ZC3H12A: variants seen among roughly 807,000 people sequenced by gnomAD.
ZC3H12A encodes the protein zinc finger CCCH-type containing 12A.
ZC3H12A carries 9 observed loss-of-function variants against 29.9 expected under a neutral mutation model. That is an observed-to-expected ratio of 0.30 (90% CI 0.18 to 0.53). The LOEUF is 0.53. ZC3H12A is among the 20% of genes least tolerant of loss of function. The probability of loss-of-function intolerance (pLI) is 0.96; values close to 1 mark genes in which losing one functional copy is unlikely to be tolerated. For missense variants in ZC3H12A, 617 were observed against 799.0 expected, an observed-to-expected ratio of 0.77 and a Z score of 2.75; for synonymous variants, 323 against 338.1, an observed-to-expected ratio of 0.96 and a Z score of 0.49.
rs747380200 is a variant in ZC3H12A, at chr1:37,482,520, G to C, written c.905G>C (p.Arg302Thr). Reference protein sequence around the residue: ...LRKKPLTLEHRKQPCPYGRKC... With the variant: ...LRKKPLTLEHTKQPCPYGRKC... ...AAGAAGCCACTCACTTTGGAGCACAGGAAGCAGCCGTGTCCCTATGGTATG... is the reference window on the plus strand; with the variant it reads ...AAGAAGCCACTCACTTTGGAGCACACGAAGCAGCCGTGTCCCTATGGTATG... The change falls in exon 5 of 6, where the codon AGG (arginine) becomes ACG (threonine). Residue 302 changes from arginine to threonine, a missense_variant. Physicochemically the swap from Arg to Thr is moderately conservative, Grantham distance 71. Around this residue, in one of 5 missense-constraint regions of ZC3H12A, gnomAD observed 255 missense variants for 402.5 expected, o/e 0.63. Transcript: ENST00000373087. The C allele has an allele frequency of 4.3e-6, 7 of 1,613,986 alleles. No homozygotes were observed. Among genetic ancestry groups the C allele is most frequent in the Non-Finnish European group, 5.9e-6 (7 of 1,180,014 alleles).
intron 3 of ZC3H12A, among the ~76,000 whole-genome samples, chr1:37,480,911 G>C (rs1237261942): frequency 6.6e-6 from 1 of 152,236 alleles, no homozygotes; most frequent in African/African-American, 2.4e-5. Context: ...TTAACACACG[G>C]TAAGTGCTGA....
intron 3 of ZC3H12A, among the ~76,000 whole-genome samples, chr1:37,480,920 G>A (rs1259790967): frequency 1.3e-5 from 2 of 152,232 alleles, no homozygotes; most frequent in African/African-American, 4.8e-5. Context: ...GGTAAGTGCT[G>A]AGAAGAGTAC....
Position 37,479,242 on chromosome 1 carries a change from C to A in ZC3H12A, c.444-1048C>A. On this transcript the variant is annotated intron_variant, in intron 2 of 5. Transcript: ENST00000373087. The surrounding 1 kb of genome is among the most constrained non-coding windows in gnomAD (Gnocchi z 4.5). ...TACCTGGGAGCCCCAAGCCCCAGTC[C>A]CCCATCCCTCAGGAAATCCAGTTGG... The A allele has an allele frequency of 2.0e-6, 2 of 985,422 alleles. No individual in the cohort carries two copies. Among genetic ancestry groups the A allele is most frequent in the Middle Eastern group, 5.2e-4 (1 of 1,914 alleles). 61.0% of individuals were successfully genotyped at this position (985,422 alleles called of 1,614,324 possible).
intron 3 of ZC3H12A, 32 bp downstream of exon 3, chr1:37,480,461 T>C: frequency 6.3e-7 from 1 of 1,598,836 alleles, no homozygotes; most frequent in Non-Finnish European, 8.5e-7. Flanking sequence ...GGGATGGTCT[T>C]ACTGCCCCAG....
chr1:37,475,593 A>T lies in ZC3H12A; in HGVS notation c.97A>T (p.Arg33Trp). 6.2e-7 allele frequency: 1 copy of T among 1,614,042 alleles called. No individual in the cohort carries two copies. The highest frequency in any genetic ancestry group is 8.5e-7 in the Non-Finnish European group (1 of 1,180,040). Reference protein sequence around the residue: ...EDSHSRQGTPRPGQELAAEEA... With the variant: ...EDSHSRQGTPWPGQELAAEEA... ...CAGCCACAGCCGTCAGGGCACCCCA[A>T]GGCCGGGTCAAGAGCTGGCCGCTGA... The change falls in exon 2 of 6, where the codon AGG becomes TGG. Residue 33 changes from arginine to tryptophan, a missense_variant. Around this residue, in one of 5 missense-constraint regions of ZC3H12A, gnomAD observed 67 missense variants for 56.2 expected, o/e 1.19. Coordinates refer to ENST00000373087, the MANE Select transcript of ZC3H12A (RefSeq NM_025079.3). This position sits in a 1 kb window ranked among gnomAD's most constrained non-coding sequence, Gnocchi z 5.2.
rs1331883815 is a variant in ZC3H12A, at chr1:37,479,111, A to T, written c.444-1179A>T. On this transcript the variant is annotated intron_variant, in intron 2 of 5. Coordinates refer to ENST00000373087, the MANE Select transcript of ZC3H12A (RefSeq NM_025079.3). The surrounding 1 kb of genome is among the most constrained non-coding windows in gnomAD (Gnocchi z 4.5). ...CCTGGACTTGCCTCTTTTGCGTAAC[A>T]TTTATTCTGTTTTATTTGCCAAATA... 4.1e-6 allele frequency: 4 copies of T among 985,002 alleles called. No homozygotes were observed. Among genetic ancestry groups the T allele is most frequent in the Non-Finnish European group, 4.8e-6 (4 of 829,894 alleles). 61.0% of individuals were successfully genotyped at this position (985,002 alleles called of 1,614,324 possible).
chr1:37,482,587 T>G, intron 5 of ZC3H12A, 47 bp downstream of exon 5: 1 of 1,609,892 alleles, frequency 6.2e-7, no homozygotes, highest in Non-Finnish European at 8.5e-7. Context: ...CTCCTGCCCT[T>G]CCTCTCACCT....
chr1:37,477,879 C>T (rs1331783573), intron 2 of ZC3H12A, among the ~76,000 whole-genome samples: 1 of 152,156 alleles, frequency 6.6e-6, no homozygotes, highest in Non-Finnish European at 1.5e-5. Flanking sequence ...TGATAGCGCC[C>T]ACTGATCAGT....
At chr1:37,481,555 C>G (rs1017024410) in intron 3 of ZC3H12A, 46 bp from the exon 4 acceptor site, 2 of 1,598,516 alleles carry the variant, frequency 1.3e-6, no homozygotes, top group African/African-American at 1.3e-5. Flanking sequence ...AGGCCTGGCT[C>G]TAGGTCCCGC....
chr1:37,481,787 A>C lies in ZC3H12A; in HGVS notation c.770A>C (p.Lys257Thr). 6.2e-7 allele frequency: 1 copy of C among 1,614,198 alleles called. No individual in the cohort carries two copies. The highest frequency in any genetic ancestry group is 8.5e-7 in the Non-Finnish European group (1 of 1,180,026). ...RDLQGERQEW[K>T]RFIEERLLMY... is the part of the protein sequence containing the mutation. ...CTCCAAGGCGAGCGGCAGGAGTGGA[A>C]GCGCTTCATCGAGGAGCGGCTGCTC... Residue 257 changes from lysine (K) to threonine (T), a missense_variant, in exon 4 of 6, where the codon AAG becomes ACG. By Grantham distance (78) the Lys-to-Thr change is moderately conservative. Coordinates refer to ENST00000373087, the MANE Select transcript of ZC3H12A (RefSeq NM_025079.3).
chr1:37,483,205 G>C lies in ZC3H12A; in HGVS notation c.1394G>C (p.Arg465Pro), dbSNP rs754171051. The C allele has an allele frequency of 5.6e-6, 9 of 1,613,414 alleles. No homozygotes were observed. The highest frequency in any genetic ancestry group is 7.6e-6 in the Non-Finnish European group (9 of 1,179,904). Residue 465 changes from arginine to proline, a missense_variant, in exon 6 of 6, where the codon CGA becomes CCA. By Grantham distance (103) the Arg-to-Pro change is moderately radical. Around this residue, in one of 5 missense-constraint regions of ZC3H12A, gnomAD observed 172 missense variants for 203.1 expected, o/e 0.85. Coordinates refer to ENST00000373087, the MANE Select transcript of ZC3H12A (RefSeq NM_025079.3). ...GGGPGEPGPPRAPYTGYSPYG... is the reference protein window; with the variant it reads ...GGGPGEPGPPPAPYTGYSPYG... Reference sequence around the variant, plus strand: ...GGCCCTGGTGAGCCGGGCCCACCCCGAGCCCCTTACACGGGCTACAGTCCC... The same window carrying C: ...GGCCCTGGTGAGCCGGGCCCACCCCCAGCCCCTTACACGGGCTACAGTCCC...
Position 37,479,879 on chromosome 1 carries a change from G to C in ZC3H12A, c.444-411G>C, listed in dbSNP as rs1196014659. The C allele has an allele frequency of 8.1e-5, 81 of 1,005,746 alleles. No homozygotes were observed. Among genetic ancestry groups the C allele is most frequent in the Non-Finnish European group, 9.4e-5 (79 of 841,876 alleles). The allele number at this position is 1,005,746 out of a possible 1,614,324, so 62.3% of individuals were successfully genotyped here. A position where few individuals can be genotyped will look rare whatever the true frequency, so the allele number is the denominator to read the frequency against. On this transcript the variant is annotated intron_variant, in intron 2 of 5. Transcript: ENST00000373087. This position sits in a 1 kb window ranked among gnomAD's most constrained non-coding sequence, Gnocchi z 4.5. ...CCCTGTGGTCCCGGCAGCTCGCCGG[G>C]TGGGGCAGGAACCAGAAGTCTCGCG...
Position 37,476,446 on chromosome 1 carries a change from C to A in ZC3H12A, c.443+507C>A, listed in dbSNP as rs1641593376. 1.3e-5 allele frequency among the ~76,000 whole-genome samples: 2 copies of A among 152,190 alleles called. No individual in the cohort carries two copies. Among genetic ancestry groups the A allele is most frequent in the African/African-American group, 4.8e-5 (2 of 41,446 alleles). ...TTCTTGTCTCAGACCTGGGCTCCCACGAAAACAGGTCCAGTGACTGTGTCC... is the reference window on the plus strand; with the variant it reads ...TTCTTGTCTCAGACCTGGGCTCCCAAGAAAACAGGTCCAGTGACTGTGTCC... On this transcript the variant is annotated intron_variant, in intron 2 of 5. Coordinates refer to ENST00000373087, the MANE Select transcript of ZC3H12A (RefSeq NM_025079.3). This position sits in a 1 kb window ranked among gnomAD's most constrained non-coding sequence, Gnocchi z 6.0.
rs1641659351 is a variant in ZC3H12A, at chr1:37,479,652, C to A, written c.444-638C>A. ...CTTGCTTCACTCCGGCGCTTTCTGT[C>A]CCATGCTGAAGGCTGGAGTCGCCAG... On this transcript the variant is annotated intron_variant, in intron 2 of 5. Coordinates refer to ENST00000373087, the MANE Select transcript of ZC3H12A (RefSeq NM_025079.3). The surrounding 1 kb of genome is among the most constrained non-coding windows in gnomAD (Gnocchi z 4.5). The A allele has an allele frequency of 1.0e-6, 1 of 985,434 alleles. No individual in the cohort carries two copies. The highest frequency in any genetic ancestry group is 1.1e-4 in the East Asian group (1 of 8,802). 61.0% of individuals were successfully genotyped at this position (985,434 alleles called of 1,614,324 possible). A position where few individuals can be genotyped will look rare whatever the true frequency, so the allele number is the denominator to read the frequency against.
chr1:37,482,730 C>T lies in ZC3H12A; in HGVS notation c.926-7C>T. The T allele has an allele frequency of 6.2e-7, 1 of 1,613,776 alleles. No individual in the cohort carries two copies. ...CTGCTTAGAGTCCCTCTTGATTCCT[C>T]TTCCAGGAAGGAAATGCACCTATGG... On this transcript the variant is annotated splice_region_variant and splice_polypyrimidine_tract_variant and intron_variant, in intron 5 of 5. Transcript: ENST00000373087.
Position 37,481,800 on chromosome 1 carries a change from G to C in ZC3H12A, c.783G>C (p.Glu261Asp). The change falls in exon 4 of 6, where the codon GAG (glutamate) becomes GAC (aspartate). Residue 261 changes from glutamate (E) to aspartate (D), a missense_variant. Physicochemically the swap from Glu to Asp is conservative, Grantham distance 45. Around this residue, in one of 5 missense-constraint regions of ZC3H12A, gnomAD observed 255 missense variants for 402.5 expected, o/e 0.63. Coordinates refer to ENST00000373087, the MANE Select transcript of ZC3H12A (RefSeq NM_025079.3). The stretch of plus-strand genomic sequence containing the variant: ...GGCAGGAGTGGAAGCGCTTCATCGA[G>C]GAGCGGCTGCTCATGTACTCCTTCG... Reference protein sequence around the residue: ...GERQEWKRFIEERLLMYSFVN... With the variant: ...GERQEWKRFIDERLLMYSFVN... 3.7e-6 allele frequency: 6 copies of C among 1,614,202 alleles called. No homozygotes were observed. The highest frequency in any genetic ancestry group is 4.2e-6 in the Non-Finnish European group (5 of 1,180,040).
At position 37,479,226 on chromosome 1, in the gene ZC3H12A, G is replaced by A; in HGVS notation, c.444-1064G>A. ...CCATGACACCTAGTGTTACCTGGGA[G>A]CCCCAAGCCCCAGTCCCCCATCCCT... On this transcript the variant is annotated intron_variant, in intron 2 of 5. Transcript: ENST00000373087. The surrounding 1 kb of genome is among the most constrained non-coding windows in gnomAD (Gnocchi z 4.5). The A allele has an allele frequency of 2.0e-6, 2 of 985,414 alleles. No homozygotes were observed. The highest frequency in any genetic ancestry group is 1.2e-6 in the Non-Finnish European group (1 of 829,930). The allele number at this position is 985,414 out of a possible 1,614,324, so 61.0% of individuals were successfully genotyped here.
chr1:37,482,575 C>G (rs1641731399), intron 5 of ZC3H12A, 35 bp downstream of exon 5: 1 of 1,611,230 alleles, frequency 6.2e-7, no homozygotes. Context: ...CGGCCCTCCT[C>G]ACTCCTGCCC....
rs1449950486 is a variant in ZC3H12A at position 37,475,864 on chromosome 1, C to T, written c.368C>T (p.Pro123Leu). Reference protein sequence around the residue: ...GGTPKAPNLEPPLPEEEKEGS... With the variant: ...GGTPKAPNLELPLPEEEKEGS... ...ACCCCTAAGGCTCCCAACCTGGAGC[C>T]TCCACTCCCAGAAGAGGAAAAGGAG... The change falls in exon 2 of 6, where the codon CCT becomes CTT. Residue 123 changes from proline to leucine, a missense_variant. Coordinates refer to ENST00000373087, the MANE Select transcript of ZC3H12A (RefSeq NM_025079.3). This position sits in a 1 kb window ranked among gnomAD's most constrained non-coding sequence, Gnocchi z 5.2. 4.5e-6 allele frequency: 7 copies of T among 1,569,000 alleles called. 1 individual carries two copies. The Admixed American group carries it at 1.1e-4, about 25-fold the overall frequency.
Sources: allele counts gnomAD v4.1 joint callset (sites outside exome capture counted in the v4.1 genomes callset), GRCh38; gene constraint gnomAD v4.1.1; regional missense constraint gnomAD v4.1.1; non-coding constraint Gnocchi (gnomAD v3.1); transcripts MANE v1.5; gene names NCBI Gene and HGNC (gene_info 2026-07-23, HGNC 2026-07-21).